The following MEMO1 variants were observed in gnomAD, a reference collection of about 807,000 sequenced individuals.
MEMO1 encodes mediator of cell motility 1, also known as protein MEMO1.
In MEMO1, 6 loss-of-function variants were observed where a neutral mutation model predicts 45.2. The observed-to-expected ratio is 0.13, with a 90% confidence interval of 0.07 to 0.26. The LOEUF (loss-of-function observed/expected upper bound fraction) is 0.26, where lower values mean the gene tolerates loss of function less well. MEMO1 is among the 10% of genes least tolerant of loss of function. MEMO1 has a pLI of 1.00. For missense variants in MEMO1, 184 were observed against 370.5 expected (o/e 0.50, Z 4.13); for synonymous variants, 78 against 124.3 (o/e 0.63, Z 2.48).
intron 4 of MEMO1, among the ~76,000 whole-genome samples, chr2:31,927,295 G>A (rs1264348990): frequency 2.6e-5 from 4 of 152,138 alleles, no homozygotes; most frequent in Non-Finnish European, 5.9e-5. Context: ...ATTCCAGCCT[G>A]GTGACAGAGC....
At chr2:31,946,588 G>A (rs552237877) in intron 2 of MEMO1, among the ~76,000 whole-genome samples, 16 of 152,202 alleles carry the variant, frequency 1.1e-4, no homozygotes, top group Non-Finnish European at 2.1e-4. Context: ...CGGGCCAGGC[G>A]CGGTGGCTCA....
intron 2 of MEMO1, among the ~76,000 whole-genome samples, chr2:31,959,355 T>A (rs1028853868): frequency 1.3e-5 from 2 of 151,872 alleles, no homozygotes; most frequent in African/African-American, 4.8e-5. Flanking sequence ...GGCAGAGAAG[T>A]AAGAAGTTGG....
intron 4 of MEMO1, among the ~76,000 whole-genome samples, chr2:31,925,475 CAAA>C (rs70964741): frequency 0.013 from 1,063 of 79,124 alleles, 26 homozygotes; most frequent in South Asian, 0.052. Flanking sequence ...GACTCCGTCT[CAAA>C]AAAAAAAAAA....
At chr2:31,930,332 C>T (rs1202997173) in intron 4 of MEMO1, among the ~76,000 whole-genome samples, 1 of 152,080 alleles carries the variant, frequency 6.6e-6, no homozygotes, top group Non-Finnish European at 1.5e-5. Context: ...TCTCTTTCTA[C>T]TCATCTTCTT....
At chr2:32,003,695 T>C (rs558837177) in intron 2 of MEMO1, among the ~76,000 whole-genome samples, 7 of 152,210 alleles carry the variant, frequency 4.6e-5, no homozygotes, top group South Asian at 2.1e-4. Flanking sequence ...TTCAGGTAGG[T>C]AGAGATTTCA....
At position 31,869,884 on chromosome 2, in the gene MEMO1, A is replaced by G; in HGVS notation, c.726T>C (p.Thr242=). ...FSNYLKKYHN[T]ICGRHPIGVL... The stretch of plus-strand genomic sequence containing the variant: ...CCCCAATGGGATGTCTTCCACATAT[A>G]GTATTATGGTATTTCTTCAAGTAAT... Residue 242 remains threonine, a synonymous_variant, in exon 9 of 10, where the codon ACT becomes ACC. Transcript: ENST00000404530. The G allele has an allele frequency of 6.3e-7, 1 of 1,590,862 alleles. No homozygotes were observed. Among genetic ancestry groups the G allele is most frequent in the Non-Finnish European group, 8.5e-7 (1 of 1,171,576 alleles).
At chr2:31,903,696 C>T (rs1391178152) in intron 6 of MEMO1, among the ~76,000 whole-genome samples, 1 of 152,060 alleles carries the variant, frequency 6.6e-6, no homozygotes, top group African/African-American at 2.4e-5. Context: ...AACTGAGAAA[C>T]ATAAAGTTAC....
At chr2:31,933,332 A>T (rs1664427613) in intron 3 of MEMO1, among the ~76,000 whole-genome samples, 4 of 60,034 alleles carry the variant, frequency 6.7e-5, no homozygotes, top group Admixed American at 2.6e-4. Flanking sequence ...AAAAAAAAAA[A>T]AAAAAAAAAA....
rs368763423 is a variant in MEMO1, at chr2:31,991,820, C to T, written c.61+18367G>A. ...GAGTAAGCACTGGTCAATCTGATTT[C>T]TAAGACACAGGAGGGAAATGTTTTT... On this transcript the variant is annotated intron_variant, in intron 2 of 9. Coordinates refer to ENST00000404530, the MANE Select transcript of MEMO1 (RefSeq NM_001301833.4). Among the ~76,000 whole-genome samples the T allele has an allele frequency of 3.0e-4, 46 of 152,168 alleles. 2 individuals carry two copies. In the Middle Eastern group the frequency reaches 0.01, roughly 34 times the overall value.
chr2:31,981,036 G>A (rs1406295366), intron 2 of MEMO1, among the ~76,000 whole-genome samples: 5 of 152,124 alleles, frequency 3.3e-5, no homozygotes, highest in African/African-American at 7.2e-5. Context: ...ATAGTCAATC[G>A]TACACCAATT....
chr2:31,997,848 C>T (rs1327936936), intron 2 of MEMO1, among the ~76,000 whole-genome samples: 1 of 152,134 alleles, frequency 6.6e-6, no homozygotes, highest in Admixed American at 6.6e-5. Context: ...ATTTCTTTGC[C>T]TCTGTGTAAA....
At chr2:31,884,837 T>C (rs911551419) in intron 7 of MEMO1, among the ~76,000 whole-genome samples, 2 of 152,158 alleles carry the variant, frequency 1.3e-5, no homozygotes, top group African/African-American at 4.8e-5. Flanking sequence ...TATCCTAGAA[T>C]TGGGCAACAG....
intron 2 of MEMO1, among the ~76,000 whole-genome samples, chr2:31,959,700 C>T (rs1251711521): frequency 6.6e-6 from 1 of 152,118 alleles, no homozygotes; most frequent in Non-Finnish European, 1.5e-5. Context: ...TTCATCACCT[C>T]GAGGATCTCC....
intron 2 of MEMO1, among the ~76,000 whole-genome samples, chr2:31,971,310 C>G (rs888634127): frequency 2.0e-5 from 3 of 152,112 alleles, no homozygotes; most frequent in African/African-American, 4.8e-5. Context: ...TACAGTGGTG[C>G]AATCATAGCT....
At chr2:31,964,688 C>T (rs1393160209) in intron 2 of MEMO1, among the ~76,000 whole-genome samples, 6 of 150,586 alleles carry the variant, frequency 4.0e-5, no homozygotes, top group South Asian at 2.1e-4. Flanking sequence ...GCAACAGGAG[C>T]GAAACTCCAT....
In MEMO1 at chr2:31,868,471, T is replaced by C. The variant is rs1475536005; in HGVS notation, c.784A>G (p.Asn262Asp). The C allele has an allele frequency of 6.2e-7, 1 of 1,601,630 alleles. No homozygotes were observed. The highest frequency in any genetic ancestry group is 1.7e-5 in the Admixed American group (1 of 57,806). Residue 262 changes from asparagine to aspartate, a missense_variant, in exon 10 of 10, where the codon AAT becomes GAT. Asn to Asp is a conservative substitution (Grantham distance 23). This residue lies in a region of MEMO1 where 97 missense variants were observed against 209.3 expected (regional missense o/e 0.46). Coordinates refer to ENST00000404530, the MANE Select transcript of MEMO1 (RefSeq NM_001301833.4). ...AACGAAAAACTCATATTCATTCCATTCTTCTGGAGCTCTGTGATAGCCTAG... is the reference window on the plus strand; with the variant it reads ...AACGAAAAACTCATATTCATTCCATCCTTCTGGAGCTCTGTGATAGCCTAG... ...LLNAITELQK[N>D]GMNMSFSFLN...
At chr2:31,893,497 A>G (rs1357934899) in intron 6 of MEMO1, among the ~76,000 whole-genome samples, 2 of 152,210 alleles carry the variant, frequency 1.3e-5, no homozygotes, top group Non-Finnish European at 2.9e-5. Flanking sequence ...ACTACTACCT[A>G]CATAAAAAAA....
At chr2:32,007,746 G>A (rs560316240) in intron 2 of MEMO1, among the ~76,000 whole-genome samples, 22 of 152,178 alleles carry the variant, frequency 1.4e-4, no homozygotes, top group Admixed American at 1.3e-3. Context: ...CACAATACAA[G>A]TCCAATTTTT....
intron 3 of MEMO1, among the ~76,000 whole-genome samples, chr2:31,941,220 T>C (rs867498938): frequency 7.9e-5 from 12 of 152,176 alleles, no homozygotes; most frequent in Admixed American, 2.6e-4. Context: ...CCAGCTGCAC[T>C]GGCCTCCTTG....
Sources: allele counts gnomAD v4.1 joint callset (sites outside exome capture counted in the v4.1 genomes callset), GRCh38; gene constraint gnomAD v4.1.1; regional missense constraint gnomAD v4.1.1; transcripts MANE v1.5; gene names NCBI Gene and HGNC (gene_info 2026-07-23, HGNC 2026-07-21).